Variants in GCLC observed in about 807,000 individuals in gnomAD.
The protein encoded by GCLC is glutamate--cysteine ligase catalytic subunit.
A neutral mutation model predicts 81.5 loss-of-function variants in GCLC; 30 were observed. The ratio of observed to expected loss-of-function variants is 0.37; its 90% confidence interval spans 0.28 to 0.50. GCLC has a LOEUF of 0.50. GCLC is among the 20% of genes least tolerant of loss of function. GCLC has a pLI of 0.96. For synonymous variants in GCLC, 262 were observed against 273.3 expected, an observed-to-expected ratio of 0.96 and a Z score of 0.41; for missense variants, 556 against 777.4, an observed-to-expected ratio of 0.72 and a Z score of 3.39.
chr6:53,519,822 A>C (rs1251494245), intron 3 of GCLC, among the ~76,000 whole-genome samples: 1 of 152,172 alleles, frequency 6.6e-6, no homozygotes, highest in Non-Finnish European at 1.5e-5. Flanking sequence ...TAAATGTTAG[A>C]TGGCTGGCTT....
Position 53,522,460 on chromosome 6 carries a change from T to C in GCLC, c.218A>G (p.Lys73Arg). 3 of 1,612,798 alleles carry C rather than the reference T, an allele frequency of 1.9e-6. No individual in the cohort carries two copies. The highest frequency in any genetic ancestry group is 2.5e-6 in the Non-Finnish European group (3 of 1,178,804). Residue 73 changes from lysine (K) to arginine (R), a missense_variant, in exon 2 of 16, where the codon AAA becomes AGA. Around this residue, in one of 3 missense-constraint regions of GCLC, gnomAD observed 234 missense variants for 303.8 expected, o/e 0.77. Coordinates refer to ENST00000650454, the MANE Select transcript of GCLC (RefSeq NM_001498.4). ...CTTCTCTTGCAGAGTTTCAAGAACT[T>C]TCTCCCCAGACAGGACCAACCGGAC... is the stretch of plus-strand genomic sequence containing the variant. ...KKVRLVLSGEKVLETLQEKGE... is the reference protein window; with the variant it reads ...KKVRLVLSGERVLETLQEKGE...
intron 6 of GCLC, chr6:53,509,484 C>A (rs1193612912): frequency 1.7e-6 from 1 of 585,776 alleles, no homozygotes; most frequent in African/African-American, 1.9e-5. Flanking sequence ...AACCAAGGTC[C>A]TAAGTGAAAT....
intron 4 of GCLC, among the ~76,000 whole-genome samples, chr6:53,514,868 C>T (rs963097026): frequency 9.9e-5 from 15 of 152,206 alleles, no homozygotes; most frequent in African/African-American, 3.1e-4. Flanking sequence ...TTAGTACCCA[C>T]TTTGCCCAGG....
In GCLC at chr6:53,498,773, T is replaced by C. The variant is rs1305503002; in HGVS notation, c.1897A>G (p.Thr633Ala). Residue 633 changes from threonine to alanine, a missense_variant, in exon 16 of 16, where the codon ACT becomes GCT. Around this residue, in one of 3 missense-constraint regions of GCLC, gnomAD observed 313 missense variants for 437.3 expected, o/e 0.72. Coordinates refer to ENST00000650454, the MANE Select transcript of GCLC (RefSeq NM_001498.4). Reference protein sequence around the residue: ...FRKVKYSGSKTDSSN With the variant: ...FRKVKYSGSKADSSN ...TAGAATGTCTAGTTGGATGAGTCAG[T>C]TTTACTTCCACTATATTTTACTTTC... 6.2e-7 allele frequency: 1 copy of C among 1,607,666 alleles called. No homozygotes were observed.
At chr6:53,530,238 T>C (rs1167431549) in intron 1 of GCLC, among the ~76,000 whole-genome samples, 3 of 152,194 alleles carry the variant, frequency 2.0e-5, no homozygotes, top group Admixed American at 6.5e-5. Flanking sequence ...TTTAATGCCA[T>C]TCCACCATCA....
intron 15 of GCLC, among the ~76,000 whole-genome samples, chr6:53,499,403 T>C (rs1764458279): frequency 6.6e-6 from 1 of 151,992 alleles, no homozygotes; most frequent in South Asian, 2.1e-4. Flanking sequence ...GAACAGTAAG[T>C]AGAGTGAATG....
In GCLC at chr6:53,506,933, T is replaced by C; in HGVS notation, c.1177A>G (p.Asn393Asp). The C allele has an allele frequency of 6.3e-7, 1 of 1,578,172 alleles. No individual in the cohort carries two copies. The highest frequency in any genetic ancestry group is 8.7e-7 in the Non-Finnish European group (1 of 1,147,170). Residue 393 changes from asparagine (N) to aspartate (D), a missense_variant, in exon 10 of 16, where the codon AAT (asparagine) becomes GAT (aspartate). By Grantham distance (23) the Asn-to-Asp change is conservative. Transcript: ENST00000650454. The surrounding 1 kb of genome is among the most constrained non-coding windows in gnomAD (Gnocchi z 4.0). ...GATACCTCAAAATGGTCAGACTCATTAGCATCATCCAGGTGTATTTTCTCT... is the reference window on the plus strand; with the variant it reads ...GATACCTCAAAATGGTCAGACTCATCAGCATCATCCAGGTGTATTTTCTCT... ...FEEKIHLDDA[N>D]ESDHFENIQS...
At chr6:53,541,609 GGTGGGGGGGC>G (rs1763356770) in intron 1 of GCLC, among the ~76,000 whole-genome samples, 1 of 152,106 alleles carries the variant, frequency 6.6e-6, no homozygotes, top group African/African-American at 2.4e-5. Flanking sequence ...ATGTTAGTAG[GGTGGGGGGGC>G]GGTGGGGGAA....
At chr6:53,516,611 C>T (rs1764877319) in intron 3 of GCLC, among the ~76,000 whole-genome samples, 2 of 152,118 alleles carry the variant, frequency 1.3e-5, no homozygotes, top group African/African-American at 4.8e-5. Flanking sequence ...GAGGTGTCTT[C>T]CTTTTCCATC....
At chr6:53,539,481 T>C (rs564568299) in intron 1 of GCLC, among the ~76,000 whole-genome samples, 1 of 152,312 alleles carries the variant, frequency 6.6e-6, no homozygotes, top group South Asian at 2.1e-4. Context: ...GAACACAAAC[T>C]GAACCCCAAA....
chr6:53,537,057 C>G (rs1763268583), intron 1 of GCLC, among the ~76,000 whole-genome samples: 1 of 152,212 alleles, frequency 6.6e-6, no homozygotes, highest in Non-Finnish European at 1.5e-5. Context: ...CACATACTAT[C>G]CAATGGTATT....
rs1344949056 is a variant in GCLC, at chr6:53,498,374, G to T, written c.*382C>A. On this transcript the variant is annotated 3_prime_UTR_variant, in exon 16 of 16. Transcript: ENST00000650454. ...AAAATTTCAATAAATCAGGTCCCAG[G>T]TAGTCTTTAAAAGAACAAAAATTTA... 4 of 193,258 alleles carry T rather than the reference G, an allele frequency of 2.1e-5. No individual in the cohort carries two copies. The highest frequency in any genetic ancestry group is 9.5e-5 in the African/African-American group (4 of 42,098). 12.0% of individuals were successfully genotyped at this position (193,258 alleles called of 1,614,324 possible).
At chr6:53,520,124 A>G (rs557136407) in intron 3 of GCLC, among the ~76,000 whole-genome samples, 2 of 152,340 alleles carry the variant, frequency 1.3e-5, no homozygotes, top group South Asian at 2.1e-4. Context: ...GGTTCTATGT[A>G]TAATACATAT....
intron 12 of GCLC, among the ~76,000 whole-genome samples, chr6:53,502,109 G>T (rs1419016729): frequency 1.3e-5 from 2 of 152,160 alleles, no homozygotes; most frequent in Non-Finnish European, 2.9e-5. Flanking sequence ...GCTGTATTAT[G>T]TCTACTTTTG....
At chr6:53,514,595 C>G in intron 4 of GCLC, 98 bp from the exon 5 acceptor site, 1 of 874,992 alleles carries the variant, frequency 1.1e-6, no homozygotes, top group Non-Finnish European at 2.0e-6. Context: ...GAAATCATAC[C>G]TCAAATTAGT....
rs151202596 is a variant in GCLC at position 53,506,312 on chromosome 6, G to A, written c.1198-417C>T. 55 of 283,768 alleles carry A rather than the reference G, an allele frequency of 1.9e-4. No individual in the cohort carries two copies. In the East Asian group the frequency reaches 4.9e-3, roughly 25 times the overall value. The allele number at this position is 283,768 out of a possible 1,614,324, so 17.6% of individuals were successfully genotyped here. A position where few individuals can be genotyped will look rare whatever the true frequency, so the allele number is the denominator to read the frequency against. ...TTCCTCCTCTCCTGGGAATGCTGCT[G>A]CTTCGATGACCCAAGAGCCTAAGAA... On this transcript the variant is annotated intron_variant, in intron 10 of 15. Transcript: ENST00000650454. This position sits in a 1 kb window ranked among gnomAD's most constrained non-coding sequence, Gnocchi z 4.0.
chr6:53,503,903 C>T (rs1218772631), intron 12 of GCLC, among the ~76,000 whole-genome samples: 1 of 152,164 alleles, frequency 6.6e-6, no homozygotes, highest in Non-Finnish European at 1.5e-5. Context: ...AAATCACTAC[C>T]TTGGATATTC....
At chr6:53,536,090 C>T (rs1763252294) in intron 1 of GCLC, among the ~76,000 whole-genome samples, 1 of 152,124 alleles carries the variant, frequency 6.6e-6, no homozygotes, top group African/African-American at 2.4e-5. Flanking sequence ...TGAAATATTA[C>T]TCAGCGACGA....
intron 1 of GCLC, among the ~76,000 whole-genome samples, chr6:53,535,909 G>C (rs1204620303): frequency 6.6e-6 from 1 of 152,214 alleles, no homozygotes; most frequent in Non-Finnish European, 1.5e-5. Context: ...TGGTATTATA[G>C]TTTCCTTAAA....
Sources: gnomAD v4.1 joint callset for allele counts (sites outside exome capture counted in the v4.1 genomes callset) on GRCh38, gnomAD v4.1.1 for gene constraint, gnomAD v4.1.1 regional missense constraint, Gnocchi (gnomAD v3.1) non-coding constraint, MANE v1.5 for transcripts, NCBI Gene and HGNC (gene_info 2026-07-23, HGNC 2026-07-21) for gene names.